The following PCDHGA2 variants were observed in gnomAD, a reference collection of about 807,000 sequenced individuals.
PCDHGA2 encodes protocadherin gamma-A2.
Under a neutral mutation model 59.2 loss-of-function variants are expected in PCDHGA2, and 40 were observed. The observed-to-expected ratio is 0.68, with a 90% CI of 0.52 to 0.88. The LOEUF (loss-of-function observed/expected upper bound fraction) is 0.88, where lower values mean the gene tolerates loss of function less well. PCDHGA2 is among the 40% of genes least tolerant of loss of function. The pLI, the probability that PCDHGA2 is intolerant of heterozygous loss-of-function variation, is 0.00. For synonymous variants in PCDHGA2, 560 were observed against 526.0 expected (o/e 1.06, Z -0.89); for missense variants, 1,226 against 1,204.0 (o/e 1.02, Z -0.27).
At chr5:141,419,311 C>G (rs745852942) in intron 1 of PCDHGA2, 1 of 1,613,994 alleles carries the variant, frequency 6.2e-7, no homozygotes, top group Non-Finnish European at 8.5e-7. Flanking sequence ...TCGGGCTCAA[C>G]GGCCGTGTCT....
chr5:141,361,040 C>T (rs750073404), intron 1 of PCDHGA2: 3 of 1,613,220 alleles, frequency 1.9e-6, no homozygotes, highest in East Asian at 2.2e-5. Flanking sequence ...GGAGAAATCA[C>T]GACAAAGGAT....
At chr5:141,441,308 C>T (rs984341964) in intron 1 of PCDHGA2, 2 of 152,164 alleles carry the variant, frequency 1.3e-5, no homozygotes, top group African/African-American at 2.4e-5. Flanking sequence ...TAAGAAAATG[C>T]ACCTTGAGAA....
chr5:141,462,242 G>A (rs1325040495), intron 1 of PCDHGA2, among the ~76,000 whole-genome samples: 3 of 152,234 alleles, frequency 2.0e-5, no homozygotes, highest in Non-Finnish European at 4.4e-5. Context: ...TTACAGGTAT[G>A]AGCCACCATG....
At chr5:141,461,861 T>C (rs1445632008) in intron 1 of PCDHGA2, among the ~76,000 whole-genome samples, 8 of 152,182 alleles carry the variant, frequency 5.3e-5, no homozygotes, top group Middle Eastern at 3.4e-3. Flanking sequence ...TTTGCTCTTG[T>C]TGCCCAGGCT....
chr5:141,414,624 G>A (rs764233527), intron 1 of PCDHGA2: 5 of 1,613,814 alleles, frequency 3.1e-6, no homozygotes, highest in African/African-American at 2.7e-5. Flanking sequence ...CGCTGGACCC[G>A]GACAGCAAAG....
At chr5:141,400,214 C>T in intron 1 of PCDHGA2, 1 of 1,614,042 alleles carries the variant, frequency 6.2e-7, no homozygotes, top group Non-Finnish European at 8.5e-7. Context: ...GCCTTGATCT[C>T]AGTGCTCTTC....
At chr5:141,379,227 T>C (rs1355383312) in intron 1 of PCDHGA2, 3 of 152,248 alleles carry the variant, frequency 2.0e-5, no homozygotes, top group Non-Finnish European at 4.4e-5. Flanking sequence ...TATGTGTTTT[T>C]CTGAACCAAT....
At position 141,491,711 on chromosome 5, in the gene PCDHGA2, C is replaced by T. The variant is rs528931820; in HGVS notation, c.2425-3096C>T. 1.5e-5 allele frequency: 24 copies of T among 1,609,240 alleles called. No homozygotes were observed. In the African/African-American group the frequency reaches 1.7e-4, roughly 12 times the overall value. On this transcript the variant is annotated intron_variant, in intron 1 of 3. Transcript: ENST00000394576. This position sits in a 1 kb window ranked among gnomAD's most constrained non-coding sequence, Gnocchi z 6.9. ...CGGGAGCGGAGCCAGGTGAGGGGCT[C>T]GGCGCCGCCCCGGGCGACCCCTGGG... is the stretch of plus-strand genomic sequence containing the variant.
chr5:141,365,052 T>TG, intron 1 of PCDHGA2: 1 of 1,613,872 alleles, frequency 6.2e-7, no homozygotes. Context: ...AATGCGCCCC[T>TG]GTTCACCCCA....
chr5:141,360,274 G>A, intron 1 of PCDHGA2: 1 of 1,613,924 alleles, frequency 6.2e-7, no homozygotes. Flanking sequence ...AAACTCGGTC[G>A]TAGGAAACCT....
chr5:141,472,079 G>T (rs2099271048), intron 1 of PCDHGA2, among the ~76,000 whole-genome samples: 1 of 152,124 alleles, frequency 6.6e-6, no homozygotes, highest in African/African-American at 2.4e-5. Flanking sequence ...TTATATCAAT[G>T]AGTACTATTA....
intron 2 of PCDHGA2, among the ~76,000 whole-genome samples, chr5:141,500,900 C>T (rs1309164700): frequency 4.0e-5 from 6 of 150,642 alleles, no homozygotes; most frequent in South Asian, 2.1e-4. Flanking sequence ...GAGACAGTCT[C>T]GCTCTGTCTC....
chr5:141,426,596 C>T (rs1408090148), intron 1 of PCDHGA2: 9 of 377,102 alleles, frequency 2.4e-5, no homozygotes, highest in Middle Eastern at 3.9e-4. Context: ...GTGTCATACC[C>T]TTAGAGATTG....
At chr5:141,389,790 G>A (rs1328126483) in intron 1 of PCDHGA2, 4 of 1,613,352 alleles carry the variant, frequency 2.5e-6, no homozygotes, top group Non-Finnish European at 3.4e-6. Flanking sequence ...CAGGGACGCC[G>A]TCCGCCAGCG....
At chr5:141,484,857 G>C in intron 1 of PCDHGA2, 1 of 264,370 alleles carries the variant, frequency 3.8e-6, no homozygotes. Flanking sequence ...TTTTTGGGGG[G>C]TGGGGGAGCG....
At chr5:141,349,482 C>G (rs1289777115) in intron 1 of PCDHGA2, among the ~76,000 whole-genome samples, 1 of 152,096 alleles carries the variant, frequency 6.6e-6, no homozygotes, top group Non-Finnish European at 1.5e-5. Context: ...TAAATTGGCC[C>G]TTTTAACAAA....
At chr5:141,362,544 T>C (rs774611354) in intron 1 of PCDHGA2, 7 of 1,613,662 alleles carry the variant, frequency 4.3e-6, no homozygotes, top group East Asian at 2.2e-5. Context: ...TTGCCTCAGA[T>C]ACTATTTTGA....
rs2099427481 is a variant in PCDHGA2 at position 141,477,973 on chromosome 5, T to A, written c.2425-16834T>A. On this transcript the variant is annotated intron_variant, in intron 1 of 3. Coordinates refer to ENST00000394576, the MANE Select transcript of PCDHGA2 (RefSeq NM_018915.4). The surrounding 1 kb of genome is among the most constrained non-coding windows in gnomAD (Gnocchi z 4.9). The stretch of plus-strand genomic sequence containing the variant: ...TGGGATCCCCTAACCAGAGCCTTTT[T>A]GCCATAGGGCTGCACACTGGTCAAA... 1 of 1,614,030 alleles carries A rather than the reference T, an allele frequency of 6.2e-7. No individual in the cohort carries two copies. The highest frequency in any genetic ancestry group is 8.5e-7 in the Non-Finnish European group (1 of 1,180,030).
At chr5:141,384,983 T>C (rs944174966) in intron 1 of PCDHGA2, 1 of 1,614,026 alleles carries the variant, frequency 6.2e-7, no homozygotes, top group Non-Finnish European at 8.5e-7. Context: ...TACCTGGTGG[T>C]GGCGGTGGCC....
Sources: allele counts gnomAD v4.1 joint callset (sites outside exome capture counted in the v4.1 genomes callset), GRCh38; gene constraint gnomAD v4.1.1; non-coding constraint Gnocchi (gnomAD v3.1); transcripts MANE v1.5; gene names NCBI Gene and HGNC (gene_info 2026-07-23, HGNC 2026-07-21).